The following SHISA9 variants were observed in gnomAD, a reference collection of about 807,000 sequenced individuals.
SHISA9 encodes the protein protein shisa-9.
SHISA9 carries 13 observed loss-of-function variants against 38.0 expected under a neutral mutation model. That is an observed-to-expected ratio of 0.34 (90% CI 0.22 to 0.54). The LOEUF (loss-of-function observed/expected upper bound fraction) is 0.54, where lower values mean the gene tolerates loss of function less well. Among genes scored for constraint, SHISA9 ranks in the 20% least tolerant of loss-of-function variants. The pLI is 0.91. For synonymous variants in SHISA9, 275 were observed against 242.0 expected (o/e 1.14, Z -1.27); for missense variants, 538 against 575.8 (o/e 0.93, Z 0.67).
chr16:13,155,417 C>G (rs754689318), intron 2 of SHISA9, among the ~76,000 whole-genome samples: 3 of 152,202 alleles, frequency 2.0e-5, no homozygotes, highest in Non-Finnish European at 4.4e-5. Context: ...CCCCTCCCCA[C>G]CTGCCCTGGG....
chr16:12,978,270 A>G (rs891799630), intron 2 of SHISA9, among the ~76,000 whole-genome samples: 1 of 152,222 alleles, frequency 6.6e-6, no homozygotes, highest in African/African-American at 2.4e-5. Context: ...TTATTCTGGA[A>G]GAAATGAGCA....
chr16:13,328,177 C>G, the SHISA9 span, among the ~76,000 whole-genome samples: 1 of 152,134 alleles, frequency 6.6e-6, no homozygotes, highest in Non-Finnish European at 1.5e-5. Flanking sequence ...ATCACTTCTT[C>G]TAGCCCCTGT....
chr16:13,245,894 G>A, the SHISA9 span, among the ~76,000 whole-genome samples: 41 of 152,160 alleles, frequency 2.7e-4, no homozygotes, highest in East Asian at 5.2e-3. Context: ...CTTGTCTGGC[G>A]CCTGTTTATT....
At chr16:13,000,096 C>A (rs947772447) in intron 2 of SHISA9, among the ~76,000 whole-genome samples, 4 of 152,066 alleles carry the variant, frequency 2.6e-5, no homozygotes, top group Admixed American at 2.6e-4. Context: ...TCATTTAATT[C>A]TCATGGCTAT....
chr16:13,127,641 T>G (rs955482058), intron 2 of SHISA9, among the ~76,000 whole-genome samples: 3 of 152,084 alleles, frequency 2.0e-5, no homozygotes, highest in Admixed American at 6.6e-5. Flanking sequence ...CTCCAAAAGA[T>G]GCACTCTTAA....
chr16:13,173,079 GAA>G, intron 2 of SHISA9, among the ~76,000 whole-genome samples: 1 of 151,942 alleles, frequency 6.6e-6, no homozygotes, highest in East Asian at 1.9e-4. Flanking sequence ...TTGTTTCATT[GAA>G]AATACATTTT....
intron 1 of SHISA9, among the ~76,000 whole-genome samples, chr16:12,906,525 C>T (rs2141706518): frequency 6.6e-6 from 1 of 152,272 alleles, no homozygotes; most frequent in South Asian, 2.1e-4. Context: ...GCTGCAAGAG[C>T]AGCCACAGTC....
the SHISA9 span, among the ~76,000 whole-genome samples, chr16:13,454,927 G>A: frequency 1.3e-5 from 2 of 152,092 alleles, no homozygotes; most frequent in Admixed American, 1.3e-4. Flanking sequence ...TTGCCTGAGT[G>A]TTCACCCCAC....
the SHISA9 span, among the ~76,000 whole-genome samples, chr16:13,394,949 G>GTC: frequency 6.6e-6 from 1 of 150,942 alleles, no homozygotes; most frequent in East Asian, 1.9e-4. Context: ...GTGTGTGTGT[G>GTC]TGTGTGTGTG....
the SHISA9 span, among the ~76,000 whole-genome samples, chr16:13,361,614 T>C: frequency 6.6e-6 from 1 of 152,198 alleles, no homozygotes; most frequent in African/African-American, 2.4e-5. Context: ...TTTGAGTGAG[T>C]TCATGGGGAC....
the SHISA9 span, among the ~76,000 whole-genome samples, chr16:13,384,149 G>C: frequency 6.6e-6 from 1 of 152,074 alleles, no homozygotes; most frequent in Non-Finnish European, 1.5e-5. Flanking sequence ...GAAATGTCTA[G>C]CAAATTTCAT....
At chr16:13,428,309 G>C in the SHISA9 span, among the ~76,000 whole-genome samples, 2 of 151,866 alleles carry the variant, frequency 1.3e-5, no homozygotes, top group Non-Finnish European at 2.9e-5. Context: ...GAGAGAGAGA[G>C]AGAAATTCAT....
At chr16:13,491,746 T>C in the SHISA9 span, among the ~76,000 whole-genome samples, 4 of 138,282 alleles carry the variant, frequency 2.9e-5, no homozygotes, top group Non-Finnish European at 4.6e-5. Flanking sequence ...CGCCTCGACC[T>C]CCCAAAGTGC....
At chr16:13,107,066 G>A (rs2073932625) in intron 2 of SHISA9, among the ~76,000 whole-genome samples, 1 of 151,748 alleles carries the variant, frequency 6.6e-6, no homozygotes, top group Admixed American at 6.6e-5. Context: ...CGACAAAGGG[G>A]GTGTTTTAAA....
the SHISA9 span, among the ~76,000 whole-genome samples, chr16:13,450,297 A>T: frequency 6.6e-6 from 1 of 152,232 alleles, no homozygotes; most frequent in Non-Finnish European, 1.5e-5. Context: ...TGGGAATTAC[A>T]TATATAAAGT....
chr16:13,448,667 G>A, the SHISA9 span, among the ~76,000 whole-genome samples: 1 of 152,192 alleles, frequency 6.6e-6, no homozygotes, highest in Non-Finnish European at 1.5e-5. Flanking sequence ...TTCTGAGGTC[G>A]CCTATTCAGA....
intron 2 of SHISA9, among the ~76,000 whole-genome samples, chr16:13,030,829 C>T (rs4781385): frequency 6.6e-6 from 1 of 151,980 alleles, no homozygotes; most frequent in African/African-American, 2.4e-5. Context: ...AGGAGAGGAA[C>T]GCAATGGGGA....
Position 13,120,797 on chromosome 16 carries a change from T to G in SHISA9, c.692-82597T>G, listed in dbSNP as rs557487031. On this transcript the variant is annotated intron_variant, in intron 2 of 4. Coordinates refer to ENST00000558583, the MANE Select transcript of SHISA9 (RefSeq NM_001145204.3). ...GAGGGAAGAGGATTGACAGCTTTTC[T>G]GTGCCTTTTAAATGCCTGTATGACA... 2.6e-5 allele frequency among the ~76,000 whole-genome samples: 4 copies of G among 152,336 alleles called. No individual in the cohort carries two copies. In the South Asian group the frequency reaches 8.3e-4, roughly 32 times the overall value.
intron 2 of SHISA9, among the ~76,000 whole-genome samples, chr16:13,157,374 G>A (rs755762109): frequency 2.0e-5 from 3 of 152,166 alleles, no homozygotes; most frequent in Non-Finnish European, 2.9e-5. Flanking sequence ...AGCAGAGAAT[G>A]GGAGATCTCA....
Sources: allele counts gnomAD v4.1 joint callset (sites outside exome capture counted in the v4.1 genomes callset), GRCh38; gene constraint gnomAD v4.1.1; transcripts MANE v1.5; gene names NCBI Gene and HGNC (gene_info 2026-07-23, HGNC 2026-07-21).